Variants in AFP observed in about 807,000 individuals in gnomAD.
AFP encodes alpha fetoprotein.
In AFP, 64 loss-of-function variants were observed where a neutral mutation model predicts 78.9. The observed-to-expected ratio is 0.81, with a 90% confidence interval of 0.66 to 1.00. The LOEUF is 1.00. AFP is among the 50% of genes least tolerant of loss of function. The pLI, the probability that AFP is intolerant of heterozygous loss-of-function variation, is 0.00. For synonymous variants in AFP, 254 were observed against 243.8 expected, an observed-to-expected ratio of 1.04 and a Z score of -0.39; for missense variants, 689 against 703.8, an observed-to-expected ratio of 0.98 and a Z score of 0.24.
At position 73,443,359 on chromosome 4, in the gene AFP, A is replaced by G. The variant is rs751472974; in HGVS notation, c.628A>G (p.Thr210Ala). The change falls in exon 6 of 15, where the codon ACA becomes GCA. Residue 210 changes from threonine to alanine, a missense_variant. Coordinates refer to ENST00000395792, the MANE Select transcript of AFP (RefSeq NM_001134.3). ...ECFQTKAATV[T>A]KELRESSLLN... ...CCTCTACATCTAGGCAGCAACAGTT[A>G]CAAAAGAATTAAGAGAAAGCAGCTT... The G allele has an allele frequency of 3.1e-5, 50 of 1,613,096 alleles. No homozygotes were observed. The highest frequency in any genetic ancestry group is 5.0e-5 in the Admixed American group (3 of 60,010).
In AFP at chr4:73,452,393, C is replaced by T. The variant is rs1334573808; in HGVS notation, c.1429-8C>T. ...CTCCTTACTTTTTTTTCTCATTCTCCTAACCAGGCTGACATTATTATCGGA... is the reference window on the plus strand; with the variant it reads ...CTCCTTACTTTTTTTTCTCATTCTCTTAACCAGGCTGACATTATTATCGGA... On this transcript the variant is annotated splice_polypyrimidine_tract_variant and splice_region_variant and intron_variant, in intron 11 of 14. Coordinates refer to ENST00000395792, the MANE Select transcript of AFP (RefSeq NM_001134.3). 2 of 1,612,950 alleles carry T rather than the reference C, an allele frequency of 1.2e-6. No homozygotes were observed. The highest frequency in any genetic ancestry group is 1.7e-5 in the Admixed American group (1 of 59,990).
intron 2 of AFP, among the ~76,000 whole-genome samples, chr4:73,437,606 G>A (rs1471070178): frequency 6.6e-6 from 1 of 151,978 alleles, no homozygotes; most frequent in Non-Finnish European, 1.5e-5. Context: ...TCTATTTGCT[G>A]TTATTTGTGG....
intron 10 of AFP, among the ~76,000 whole-genome samples, chr4:73,450,394 G>T (rs777503195): frequency 6.6e-6 from 1 of 152,174 alleles, no homozygotes; most frequent in Non-Finnish European, 1.5e-5. Flanking sequence ...CTTCCTCCTG[G>T]AGTTTGCTTT....
chr4:73,450,400 G>T, intron 10 of AFP: 1 of 678,612 alleles, frequency 1.5e-6, no homozygotes, highest in Non-Finnish European at 2.5e-6. Context: ...CCTGGAGTTT[G>T]CTTTTTCATT....
chr4:73,454,036 A>T, intron 13 of AFP, 139 bp downstream of exon 13: 1 of 931,160 alleles, frequency 1.1e-6, no homozygotes, highest in South Asian at 2.0e-5. Context: ...AGATTGAGGG[A>T]TTCTATAAGA....
In AFP at chr4:73,449,059, T is replaced by C. The variant is rs79911807; in HGVS notation, c.1059-276T>C. 9.4e-3 allele frequency among the ~76,000 whole-genome samples: 1,438 copies of C among 152,194 alleles called. 13 individuals are homozygous for C. Among genetic ancestry groups the C allele is most frequent in the Non-Finnish European group, 0.015 (996 of 67,972 alleles). On this transcript the variant is annotated intron_variant, in intron 8 of 14. Coordinates refer to ENST00000395792, the MANE Select transcript of AFP (RefSeq NM_001134.3). ...TAGCAAAGAGTGGACACTGGAAAAA[T>C]ATTTGTTGAATAAATGAATATAAAG...
chr4:73,451,981 A>C (rs1720006077), intron 11 of AFP, among the ~76,000 whole-genome samples: 1 of 152,220 alleles, frequency 6.6e-6, no homozygotes, highest in African/African-American at 2.4e-5. Context: ...GTGTATATGT[A>C]TGTGAATAAA....
intron 2 of AFP, among the ~76,000 whole-genome samples, chr4:73,437,715 A>T (rs190686724): frequency 4.6e-5 from 7 of 152,184 alleles, no homozygotes; most frequent in Admixed American, 4.6e-4. Flanking sequence ...TTGCACATCC[A>T]AACCTGCATA....
intron 7 of AFP, among the ~76,000 whole-genome samples, chr4:73,446,075 T>C (rs1719815367): frequency 6.6e-6 from 1 of 152,156 alleles, no homozygotes; most frequent in African/African-American, 2.4e-5. Flanking sequence ...GCCCATCCGA[T>C]GGCAATTCAG....
At position 73,443,343 on chromosome 4, in the gene AFP, C is replaced by T. The variant is rs367926733; in HGVS notation, c.616-4C>T. ...TCATGACATTTTGTTTCCTCTACAT[C>T]TAGGCAGCAACAGTTACAAAAGAAT... On this transcript the variant is annotated splice_region_variant and splice_polypyrimidine_tract_variant and intron_variant, in intron 5 of 14. Transcript: ENST00000395792. 4.0e-5 allele frequency: 64 copies of T among 1,607,082 alleles called. 1 individual carries two copies. The African/African-American group carries it at 7.5e-4, about 19-fold the overall frequency.
chr4:73,449,491 G>A (rs1719925508), intron 9 of AFP, 24 bp downstream of exon 9: 2 of 1,612,800 alleles, frequency 1.2e-6, no homozygotes, highest in Non-Finnish European at 8.5e-7. Flanking sequence ...GAATTTTAGG[G>A]GAGTATGAAA....
intron 9 of AFP, 75 bp downstream of exon 9, chr4:73,449,542 A>C: frequency 9.0e-6 from 14 of 1,561,996 alleles, no homozygotes; most frequent in African/African-American, 1.4e-5. Flanking sequence ...TGTTTGTTTG[A>C]AAGCCTCTAG....
intron 11 of AFP, among the ~76,000 whole-genome samples, chr4:73,451,012 G>C (rs737241): frequency 6.6e-6 from 1 of 151,922 alleles, no homozygotes; most frequent in Admixed American, 6.6e-5. Flanking sequence ...TTTATATATC[G>C]GAAAGACAGA....
intron 7 of AFP, among the ~76,000 whole-genome samples, 172 bp from the exon 8 acceptor site, chr4:73,447,290 T>TC (rs1483872246): frequency 4.6e-5 from 7 of 151,620 alleles, no homozygotes; most frequent in Admixed American, 4.6e-4. Flanking sequence ...CCTTCCTCCT[T>TC]CCTCCATCCC....
chr4:73,452,276 T>G (rs1464754189), intron 11 of AFP, 125 bp from the exon 12 acceptor site: 1 of 793,730 alleles, frequency 1.3e-6, no homozygotes, highest in East Asian at 2.6e-5. Flanking sequence ...ATAGCAAATT[T>G]TCCTGTAATA....
intron 4 of AFP, 47 bp downstream of exon 4, chr4:73,440,860 A>G (rs750009875): frequency 6.5e-7 from 1 of 1,537,520 alleles, no homozygotes; most frequent in African/African-American, 1.4e-5. Flanking sequence ...AAACACAGCA[A>G]TGGCAAGCCT....
intron 7 of AFP, among the ~76,000 whole-genome samples, chr4:73,445,411 C>G (rs116859134): frequency 6.6e-6 from 1 of 151,932 alleles, no homozygotes; most frequent in East Asian, 1.9e-4. Context: ...ACTTGGAGGA[C>G]GGGAGGAAAC....
At chr4:73,443,205 T>A (rs922449743) in intron 5 of AFP, 142 bp from the exon 6 acceptor site, 101 of 719,020 alleles carry the variant, frequency 1.4e-4, no homozygotes, top group Non-Finnish European at 2.0e-4. Flanking sequence ...TCTGCGATAA[T>A]GTATGACATT....
At position 73,442,441 on chromosome 4, in the gene AFP, C is replaced by G. The variant is rs926524939; in HGVS notation, c.615+13C>G. 9.3e-6 allele frequency: 15 copies of G among 1,613,592 alleles called. No individual in the cohort carries two copies. Among genetic ancestry groups the G allele is most frequent in the Non-Finnish European group, 1.3e-5 (15 of 1,179,748 alleles). ...CTTCCAAACAAAGGTATCATATTTG[C>G]GTGGATATCTGAACCAGTACTGTAG... On this transcript the variant is annotated intron_variant, in intron 5 of 14. Coordinates refer to ENST00000395792, the MANE Select transcript of AFP (RefSeq NM_001134.3).
Sources: allele counts gnomAD v4.1 joint callset (sites outside exome capture counted in the v4.1 genomes callset), GRCh38; gene constraint gnomAD v4.1.1; transcripts MANE v1.5; gene names NCBI Gene and HGNC (gene_info 2026-07-23, HGNC 2026-07-21).